The following OSBPL9 variants were observed in gnomAD, a reference collection of about 807,000 sequenced individuals.
OSBPL9 encodes the protein oxysterol-binding protein-related protein 9.
OSBPL9 carries 40 observed loss-of-function variants against 106.6 expected under a neutral mutation model. That is an observed-to-expected ratio of 0.38 (90% CI 0.29 to 0.49). OSBPL9 has a LOEUF of 0.49. Among genes scored for constraint, OSBPL9 ranks in the 20% least tolerant of loss-of-function variants. OSBPL9 has a pLI of 0.97. For synonymous variants in OSBPL9, 269 were observed against 295.4 expected (o/e 0.91, Z 0.92); for missense variants, 609 against 887.2 (o/e 0.69, Z 3.98).
intron 2 of OSBPL9, among the ~76,000 whole-genome samples, chr1:51,610,244 TTTGTTGTTGTTGTTG>T (rs113181959): frequency 1.1e-4 from 16 of 151,020 alleles, no homozygotes; most frequent in Admixed American, 6.6e-4. Flanking sequence ...GGAACTGATA[TTTGTTGTTGTTGTTG>T]TTGTTGTTGT....
chr1:51,543,706 G>C, the OSBPL9 span, among the ~76,000 whole-genome samples: 1 of 152,144 alleles, frequency 6.6e-6, no homozygotes, highest in Non-Finnish European at 1.5e-5. Flanking sequence ...CAACTTTGAG[G>C]CTCAGAGAGT....
Position 51,591,995 on chromosome 1 carries a change from A to G in OSBPL9, c.-422-6129A>G, listed in dbSNP as rs116179871. On this transcript the variant is annotated intron_variant, in intron 1 of 25. Coordinates refer to the OSBPL9 transcript ENST00000371714. Reference sequence around the variant, plus strand: ...CCAACCCTCCTCAATCAGTGAGCAGAATCAGCCCTTCTGCACATCTCTCTG... The same window carrying G: ...CCAACCCTCCTCAATCAGTGAGCAGGATCAGCCCTTCTGCACATCTCTCTG... Among the ~76,000 whole-genome samples, 998 of 151,738 alleles carry G rather than the reference A, an allele frequency of 6.6e-3. 6 individuals carry two copies. The highest frequency in any genetic ancestry group is 0.023 in the African/African-American group (971 of 41,418).
At chr1:51,786,231 G>C in intron 21 of OSBPL9, 1 of 444,972 alleles carries the variant, frequency 2.2e-6, no homozygotes. Flanking sequence ...GCACTAAACT[G>C]TGTGTTTCCA....
At chr1:51,754,087 G>A (rs896973793) in intron 8 of OSBPL9, among the ~76,000 whole-genome samples, 4 of 152,180 alleles carry the variant, frequency 2.6e-5, no homozygotes, top group African/African-American at 7.2e-5. Context: ...GGGGAGTAAG[G>A]GGAGAGAAGG....
At chr1:51,745,773 T>A in intron 5 of OSBPL9, 142 bp downstream of exon 5, 1 of 1,042,836 alleles carries the variant, frequency 9.6e-7, no homozygotes, top group Non-Finnish European at 1.3e-6. Flanking sequence ...TTAAAAGATC[T>A]AGCTGACTTA....
intron 3 of OSBPL9, chr1:51,710,004 A>C (rs911587413): frequency 6.6e-6 from 1 of 152,200 alleles, no homozygotes; most frequent in Non-Finnish European, 1.5e-5. Context: ...ATACTTAACT[A>C]TTGTAGATTA....
At chr1:51,668,369 C>A (rs1649018602) in intron 2 of OSBPL9, among the ~76,000 whole-genome samples, 1 of 152,166 alleles carries the variant, frequency 6.6e-6, no homozygotes, top group Admixed American at 6.5e-5. Context: ...CTCCTGTAAT[C>A]CCAGCACTTT....
intron 12 of OSBPL9, among the ~76,000 whole-genome samples, chr1:51,766,726 A>G (rs1672638434): frequency 6.7e-6 from 1 of 150,286 alleles, no homozygotes; most frequent in Non-Finnish European, 1.5e-5. Flanking sequence ...ATGGAAGTCC[A>G]CCTCAAATCT....
At chr1:51,645,527 A>G (rs189749278) in intron 1 of OSBPL9, among the ~76,000 whole-genome samples, 19 of 151,628 alleles carry the variant, frequency 1.3e-4, no homozygotes, top group African/African-American at 3.9e-4. Flanking sequence ...TGCCCAGGCT[A>G]TGGTGCAGTG....
At chr1:51,660,734 GC>G (rs1035426331) in intron 2 of OSBPL9, among the ~76,000 whole-genome samples, 14 of 152,316 alleles carry the variant, frequency 9.2e-5, no homozygotes, top group African/African-American at 3.1e-4. Context: ...TGAACTGCAA[GC>G]CATTCTGCTC....
rs147668369 is a variant in OSBPL9 at position 51,782,728 on chromosome 1, A to G, written c.1513+85A>G. 6 of 1,198,486 alleles carry G rather than the reference A, an allele frequency of 5.0e-6. No individual in the cohort carries two copies. In the African/African-American group the frequency reaches 6.0e-5, roughly 12 times the overall value. The allele number at this position is 1,198,486 out of a possible 1,614,324, so 74.2% of individuals were successfully genotyped here. ...CATTAAAAGCGCCATAGCTGAGGGT[A>G]CTGTCAGTTGTGTGACTAGCTGTGT... On this transcript the variant is annotated intron_variant, in intron 17 of 23. Transcript: ENST00000428468.
At chr1:51,533,845 C>CTTTTTTTTTT in the OSBPL9 span, among the ~76,000 whole-genome samples, 22 of 116,328 alleles carry the variant, frequency 1.9e-4, no homozygotes, top group African/African-American at 7.1e-4. Context: ...TTTTTTCTTT[C>CTTTTTTTTTT]TTTTTTTTTT....
chr1:51,639,016 G>A (rs1331144787), intron 1 of OSBPL9, among the ~76,000 whole-genome samples: 3 of 151,892 alleles, frequency 2.0e-5, no homozygotes, highest in Non-Finnish European at 4.4e-5. Flanking sequence ...TGTAATTAGT[G>A]TATCTTCGTA....
At position 51,602,018 on chromosome 1, in the gene OSBPL9, CTTTTTTT is replaced by C. The variant is rs758760414; in HGVS notation, c.-353+3839_-353+3845del. On this transcript the variant is annotated intron_variant, in intron 2 of 25. Coordinates refer to the OSBPL9 transcript ENST00000371714. Reference sequence around the variant, plus strand: ...AGTCAATTGTTCCATTCTTGGGGTTCTTTTTTTTTTTTTTTTTTTTGAGACGGAGTCT... The same window carrying C: ...AGTCAATTGTTCCATTCTTGGGGTTCTTTTTTTTTTTTTGAGACGGAGTCT... Among the ~76,000 whole-genome samples, 26 of 76,396 alleles carry C rather than the reference CTTTTTTT, an allele frequency of 3.4e-4. 2 individuals carry two copies. The highest frequency in any genetic ancestry group is 0.019 in the Middle Eastern group (1 of 52). The allele number at this position is 76,396 out of a possible 152,430, so 50.1% of individuals were successfully genotyped here.
the OSBPL9 span, among the ~76,000 whole-genome samples, chr1:51,519,485 G>T: frequency 6.7e-6 from 1 of 150,328 alleles, no homozygotes. Context: ...GCCTGCCCCC[G>T]GGGCCGCCTT....
At chr1:51,694,517 TA>T (rs1322256077) in intron 3 of OSBPL9, among the ~76,000 whole-genome samples, 1 of 152,246 alleles carries the variant, frequency 6.6e-6, no homozygotes, top group African/African-American at 2.4e-5. Context: ...GATAGTTACT[TA>T]AAGTTTAGTT....
At chr1:51,736,341 T>C (rs1665688438) in intron 4 of OSBPL9, among the ~76,000 whole-genome samples, 1 of 152,202 alleles carries the variant, frequency 6.6e-6, no homozygotes, top group Admixed American at 6.5e-5. Context: ...TTGGCATATA[T>C]AATTTCTAAG....
chr1:51,590,767 C>T (rs1316410243), intron 1 of OSBPL9, among the ~76,000 whole-genome samples: 1 of 150,972 alleles, frequency 6.6e-6, no homozygotes, highest in Non-Finnish European at 1.5e-5. Flanking sequence ...TTTTTTTTTC[C>T]GAGACAGGGT....
intron 2 of OSBPL9, among the ~76,000 whole-genome samples, chr1:51,654,621 G>A (rs142888145): frequency 7.2e-5 from 11 of 152,146 alleles, no homozygotes; most frequent in African/African-American, 2.4e-4. Context: ...AGCATTATTT[G>A]CAATATTCAC....
Sources: allele counts gnomAD v4.1 joint callset (sites outside exome capture counted in the v4.1 genomes callset), GRCh38; gene constraint gnomAD v4.1.1; transcripts MANE v1.5; gene names NCBI Gene and HGNC (gene_info 2026-07-23, HGNC 2026-07-21).